PARD3B: variants seen among roughly 807,000 people sequenced by gnomAD.
PARD3B encodes par-3 family cell polarity regulator beta, also known as partitioning defective 3 homolog B.
In PARD3B, 103 loss-of-function variants were observed where a neutral mutation model predicts 130.2. The observed-to-expected ratio is 0.79, with a 90% CI of 0.67 to 0.93. The LOEUF (loss-of-function observed/expected upper bound fraction) is 0.93. PARD3B is among the 40% of genes least tolerant of loss of function. The pLI, the probability that PARD3B is intolerant of heterozygous loss-of-function variation, is 0.00. For synonymous variants in PARD3B, 583 were observed against 553.2 expected (o/e 1.05, Z -0.76); for missense variants, 1,609 against 1,499.2 (o/e 1.07, Z -1.21).
intron 21 of PARD3B, among the ~76,000 whole-genome samples, chr2:205,546,101 T>TA (rs1559201573): frequency 6.6e-6 from 1 of 152,208 alleles, no homozygotes; most frequent in African/African-American, 2.4e-5. Flanking sequence ...TCCCATGGAC[T>TA]AAAAGCACCT....
At chr2:204,822,492 C>T (rs989663088) in intron 2 of PARD3B, among the ~76,000 whole-genome samples, 5 of 152,168 alleles carry the variant, frequency 3.3e-5, no homozygotes, top group African/African-American at 1.2e-4. Flanking sequence ...AAAATACAAG[C>T]ACTACATAAA....
chr2:205,513,380 A>G (rs768977079), intron 21 of PARD3B, among the ~76,000 whole-genome samples: 1 of 152,184 alleles, frequency 6.6e-6, no homozygotes, highest in Non-Finnish European at 1.5e-5. Context: ...ATCCCTAAAT[A>G]CATGATGATG....
At chr2:205,010,684 G>T (rs10206638) in intron 3 of PARD3B, among the ~76,000 whole-genome samples, 149,766 of 152,290 alleles carry the variant, frequency 0.98, 73,685 homozygotes, top group Middle Eastern at 1. Flanking sequence ...CCCCCAGTAT[G>T]GCTTTTGAGA....
intron 1 of PARD3B, among the ~76,000 whole-genome samples, chr2:204,676,964 G>A (rs376216768): frequency 6.6e-6 from 1 of 152,198 alleles, no homozygotes; most frequent in East Asian, 1.9e-4. Flanking sequence ...CACCGCACCC[G>A]GCCAAGATTG....
chr2:205,462,257 A>G (rs755370098), intron 20 of PARD3B, among the ~76,000 whole-genome samples: 1 of 152,236 alleles, frequency 6.6e-6, no homozygotes, highest in Non-Finnish European at 1.5e-5. Context: ...TACTTGGATT[A>G]AAAGCCAAAT....
intron 15 of PARD3B, among the ~76,000 whole-genome samples, chr2:205,231,501 A>ATTTTTTTTTT (rs1278709655): frequency 7.7e-6 from 1 of 130,636 alleles, no homozygotes; most frequent in African/African-American, 2.8e-5. Context: ...TAATTTTTGT[A>ATTTTTTTTTT]TTTTTTTTTT....
rs1488429090 is a variant in PARD3B, at chr2:205,341,036, C to T, written c.2630+39335C>T. ...TCATCAGGGAAATACAAACCAAAACCACAGTGAGATTTCATCTTATCCGAG... is the reference window on the plus strand; with the variant it reads ...TCATCAGGGAAATACAAACCAAAACTACAGTGAGATTTCATCTTATCCGAG... On this transcript the variant is annotated intron_variant, in intron 18 of 22. Transcript: ENST00000406610. The surrounding 1 kb of genome is among the most constrained non-coding windows in gnomAD (Gnocchi z 4.3). Among the ~76,000 whole-genome samples, 1 of 151,804 alleles carries T rather than the reference C, an allele frequency of 6.6e-6. No homozygotes were observed. Among genetic ancestry groups the T allele is most frequent in the African/African-American group, 2.4e-5 (1 of 41,306 alleles).
intron 21 of PARD3B, among the ~76,000 whole-genome samples, chr2:205,541,355 T>G (rs1302507479): frequency 4.0e-5 from 6 of 150,994 alleles, no homozygotes; most frequent in Admixed American, 2.0e-4. Context: ...TTGTTTTTTT[T>G]TTTTTTTTTT....
At chr2:204,807,493 G>A (rs895508665) in intron 2 of PARD3B, among the ~76,000 whole-genome samples, 1 of 152,054 alleles carries the variant, frequency 6.6e-6, no homozygotes, top group African/African-American at 2.4e-5. Context: ...TCACTACTGG[G>A]TATTTATCCA....
At chr2:205,604,295 T>C (rs374012854) in intron 22 of PARD3B, among the ~76,000 whole-genome samples, 1 of 152,126 alleles carries the variant, frequency 6.6e-6, no homozygotes, top group East Asian at 1.9e-4. Flanking sequence ...TCCATGTGGC[T>C]AGGGAAGCCT....
chr2:205,364,797 T>C lies in PARD3B; in HGVS notation c.2631-36216T>C, dbSNP rs939349835. 6.6e-5 allele frequency among the ~76,000 whole-genome samples: 10 copies of C among 152,142 alleles called. 1 individual carries two copies. Among genetic ancestry groups the C allele is most frequent in the Non-Finnish European group, 1.2e-4 (8 of 68,028 alleles). On this transcript the variant is annotated intron_variant, in intron 18 of 22. Coordinates refer to ENST00000406610, the MANE Select transcript of PARD3B (RefSeq NM_001302769.2). Reference sequence around the variant, plus strand: ...GACTACAATAATGGAGGCCTACAATTAGTTTAATTACAATACCTACTCACA... The same window carrying C: ...GACTACAATAATGGAGGCCTACAATCAGTTTAATTACAATACCTACTCACA...
At chr2:205,573,764 T>C (rs1306959388) in intron 22 of PARD3B, among the ~76,000 whole-genome samples, 2 of 152,194 alleles carry the variant, frequency 1.3e-5, no homozygotes, top group Non-Finnish European at 2.9e-5. Context: ...GGAATATCTA[T>C]AGTTAATAAA....
chr2:204,788,883 T>C (rs867058139), intron 2 of PARD3B, among the ~76,000 whole-genome samples: 2 of 152,348 alleles, frequency 1.3e-5, no homozygotes, highest in Middle Eastern at 6.8e-3. Context: ...ATTATGTATA[T>C]TATATTGTAT....
At chr2:205,228,890 A>C (rs945999389) in intron 15 of PARD3B, among the ~76,000 whole-genome samples, 1 of 152,090 alleles carries the variant, frequency 6.6e-6, no homozygotes, top group African/African-American at 2.4e-5. Context: ...TGTTAAGAGA[A>C]TCTCATGCAT....
At chr2:204,661,365 G>A (rs1275219190) in intron 1 of PARD3B, among the ~76,000 whole-genome samples, 2 of 152,126 alleles carry the variant, frequency 1.3e-5, no homozygotes, top group Non-Finnish European at 2.9e-5. Context: ...ACCTGAAGAA[G>A]TGTCAAGAAG....
intron 10 of PARD3B, among the ~76,000 whole-genome samples, chr2:205,136,306 T>C (rs1299233486): frequency 6.6e-6 from 1 of 152,202 alleles, no homozygotes; most frequent in East Asian, 1.9e-4. Context: ...ACTCTATGTG[T>C]TTCTCAATTA....
intron 11 of PARD3B, among the ~76,000 whole-genome samples, chr2:205,163,488 A>T (rs2034626537): frequency 1.3e-5 from 2 of 152,332 alleles, no homozygotes; most frequent in Admixed American, 1.3e-4. Flanking sequence ...GAAATTTGGG[A>T]TTCTCCTTCT....
Position 205,619,429 on chromosome 2 carries a change from A to AT in PARD3B, c.*3618dup, listed in dbSNP as rs1376763439. The AT allele has an allele frequency of 2.6e-5, 4 of 152,184 alleles. No individual in the cohort carries two copies. Among genetic ancestry groups the AT allele is most frequent in the Non-Finnish European group, 5.9e-5 (4 of 68,044 alleles). 9.4% of individuals were successfully genotyped at this position (152,184 alleles called of 1,614,324 possible). On this transcript the variant is annotated 3_prime_UTR_variant, in exon 23 of 23. Transcript: ENST00000406610. Reference sequence around the variant, plus strand: ...GAAACCTACAATCAATGGCCTTCAAATTGGTGTTAAATTGGGAGAACACCC... The same window carrying AT: ...GAAACCTACAATCAATGGCCTTCAAATTTGGTGTTAAATTGGGAGAACACCC...
At chr2:204,772,550 A>G (rs1249277243) in intron 2 of PARD3B, among the ~76,000 whole-genome samples, 1 of 152,140 alleles carries the variant, frequency 6.6e-6, no homozygotes, top group African/African-American at 2.4e-5. Context: ...TTCAAGTTTA[A>G]TGTAAAGAAA....
Sources: gnomAD v4.1 joint callset for allele counts (sites outside exome capture counted in the v4.1 genomes callset) on GRCh38, gnomAD v4.1.1 for gene constraint, Gnocchi (gnomAD v3.1) non-coding constraint, MANE v1.5 for transcripts, NCBI Gene and HGNC (gene_info 2026-07-23, HGNC 2026-07-21) for gene names.